Variants in USP6 observed in about 807,000 individuals in gnomAD.
USP6 encodes the protein ubiquitin specific peptidase 6.
USP6 carries 128 observed loss-of-function variants against 175.7 expected under a neutral mutation model. That is an observed-to-expected ratio of 0.73 (90% CI 0.63 to 0.84). USP6 has a LOEUF of 0.84. USP6 is among the 40% of genes least tolerant of loss of function. USP6 has a pLI of 0.00. For synonymous variants in USP6, 562 were observed against 630.6 expected, an observed-to-expected ratio of 0.89 and a Z score of 1.63; for missense variants, 1,498 against 1,760.3, an observed-to-expected ratio of 0.85 and a Z score of 2.67.
rs761369040 is a variant in USP6, at chr17:5,135,633, CTGAAG to C, written c.544-172_544-168del. ...CTCAGGAGACATTTTGGACAAGGTG[CTGAAG>C]TGCCTGATGGACTTTGCTCTTGTCA... On this transcript the variant is annotated intron_variant, in intron 16 of 37. Transcript: ENST00000574788. Among the ~76,000 whole-genome samples, 146 of 152,312 alleles carry C rather than the reference CTGAAG, an allele frequency of 9.6e-4. 1 individual carries two copies. The highest frequency in any genetic ancestry group is 1.7e-3 in the Non-Finnish European group (115 of 68,024).
chr17:5,167,905 C>G lies in USP6; in HGVS notation c.3037-27C>G, dbSNP rs559161532. The stretch of plus-strand genomic sequence containing the variant: ...AGTTTAAATGCCTTCCCACACACCC[C>G]TTTCCTCCTGTTCCCTCTACCTACA... On this transcript the variant is annotated intron_variant, in intron 33 of 37. Transcript: ENST00000574788. The G allele has an allele frequency of 2.0e-4, 320 of 1,597,276 alleles. 1 individual carries two copies. The South Asian group carries it at 3.4e-3, about 17-fold the overall frequency.
At chr17:5,158,266 A>C (rs1259607821) in intron 31 of USP6, among the ~76,000 whole-genome samples, 1 of 152,100 alleles carries the variant, frequency 6.6e-6, no homozygotes, top group East Asian at 1.9e-4. Flanking sequence ...AGGGAAAAAG[A>C]AGCATCAAAA....
At chr17:5,143,480 T>G (rs1181656704) in intron 25 of USP6, among the ~76,000 whole-genome samples, 2 of 151,582 alleles carry the variant, frequency 1.3e-5, no homozygotes, top group Non-Finnish European at 3.0e-5. Context: ...CTCTGAAACA[T>G]GTGCTGTGTC....
chr17:5,125,538 A>G (rs1309020244), intron 5 of USP6, among the ~76,000 whole-genome samples: 9 of 152,106 alleles, frequency 5.9e-5, no homozygotes, highest in Non-Finnish European at 1.0e-4. Context: ...AATGGGTGCA[A>G]ATGAAAACAC....
intron 28 of USP6, 48 bp downstream of exon 28, chr17:5,146,222 G>T: frequency 1.3e-6 from 2 of 1,525,736 alleles, no homozygotes; most frequent in South Asian, 1.3e-5. Context: ...CTTCAAAGAT[G>T]ACATTTTTCT....
intron 2 of USP6, among the ~76,000 whole-genome samples, chr17:5,119,674 C>T (rs540979522): frequency 1.3e-5 from 2 of 152,286 alleles, no homozygotes; most frequent in South Asian, 4.1e-4. Flanking sequence ...AGTTAACTAA[C>T]TAATGAGTAA....
At position 5,170,981 on chromosome 17, in the gene USP6, C is replaced by T. The variant is rs894699618; in HGVS notation, c.3954+66C>T. 2.6e-6 allele frequency: 4 copies of T among 1,552,396 alleles called. No individual in the cohort carries two copies. The African/African-American group carries it at 5.5e-5, about 21-fold the overall frequency. On this transcript the variant is annotated intron_variant, in intron 36 of 37. Transcript: ENST00000574788. ...TTTTGTTCACTTGTCTTCATGTATTCATCAGCAAGTATTTTTCAGGTCCTG... is the reference window on the plus strand; with the variant it reads ...TTTTGTTCACTTGTCTTCATGTATTTATCAGCAAGTATTTTTCAGGTCCTG...
chr17:5,139,256 C>A lies in USP6; in HGVS notation c.1080C>A (p.Ala360=). The part of the protein sequence containing the change: ...TRKQGDLPPP[A]KREQGSLAPR... Reference sequence around the variant, plus strand: ...TGACCACGTCTGTTTTCCTTTCAGCCAAACGCGAGCAAGGGTCCTTGGCAC... The same window carrying A: ...TGACCACGTCTGTTTTCCTTTCAGCAAAACGCGAGCAAGGGTCCTTGGCAC... Residue 360 remains alanine, a splice_region_variant and synonymous_variant, in exon 22 of 38, where the codon GCC becomes GCA. Coordinates refer to ENST00000574788, the MANE Select transcript of USP6 (RefSeq NM_001304284.2). The A allele has an allele frequency of 6.2e-7, 1 of 1,601,038 alleles. No individual in the cohort carries two copies. Among genetic ancestry groups the A allele is most frequent in the East Asian group, 2.2e-5 (1 of 44,872 alleles).
chr17:5,119,431 T>C (rs2072603034), intron 2 of USP6, among the ~76,000 whole-genome samples: 1 of 152,240 alleles, frequency 6.6e-6, no homozygotes, highest in Admixed American at 6.5e-5. Flanking sequence ...TTAACTCTTT[T>C]GTCCTTCTTC....
In USP6 at chr17:5,171,000, G is replaced by T. The variant is rs2074205226; in HGVS notation, c.3954+85G>T. 4 of 1,490,594 alleles carry T rather than the reference G, an allele frequency of 2.7e-6. No homozygotes were observed. In the African/African-American group the frequency reaches 5.6e-5, roughly 21 times the overall value. The allele number at this position is 1,490,594 out of a possible 1,614,324, so 92.3% of individuals were successfully genotyped here. ...TGTATTCATCAGCAAGTATTTTTCA[G>T]GTCCTGCTAATTTCCTAGCATTGAG... is the stretch of plus-strand genomic sequence containing the variant. On this transcript the variant is annotated intron_variant, in intron 36 of 37. Coordinates refer to ENST00000574788, the MANE Select transcript of USP6 (RefSeq NM_001304284.2).
intron 37 of USP6, 47 bp from the exon 38 acceptor site, chr17:5,172,758 T>C: frequency 6.2e-7 from 1 of 1,608,082 alleles, no homozygotes; most frequent in Non-Finnish European, 8.5e-7. Context: ...GGATTTAGAG[T>C]CATAATAGTG....
intron 11 of USP6, among the ~76,000 whole-genome samples, chr17:5,131,284 C>G (rs947261594): frequency 6.6e-6 from 1 of 151,148 alleles, no homozygotes; most frequent in African/African-American, 2.4e-5. Context: ...ACTAAAGACC[C>G]TGGGTCTGGT....
chr17:5,132,946 A>T lies in USP6; in HGVS notation c.232A>T (p.Met78Leu), dbSNP rs771437961. ...GGAGATGACACGAACGAGCAAGTGG[A>T]TGGAAATGCTGGGAGAATGGGAGAC... Reference protein sequence around the residue: ...RREMTRTSKWMEMLGEWETYK... With the variant: ...RREMTRTSKWLEMLGEWETYK... Residue 78 changes from methionine to leucine, a missense_variant, in exon 13 of 38, where the codon ATG becomes TTG. Met to Leu is a conservative substitution (Grantham distance 15). Around this residue, in one of 2 missense-constraint regions of USP6, gnomAD observed 281 missense variants for 259.6 expected, o/e 1.08. Coordinates refer to ENST00000574788, the MANE Select transcript of USP6 (RefSeq NM_001304284.2). The surrounding 1 kb of genome is among the most constrained non-coding windows in gnomAD (Gnocchi z 4.7). The T allele has an allele frequency of 1.1e-5, 17 of 1,614,150 alleles. No homozygotes were observed. In the Admixed American group the frequency reaches 2.8e-4, roughly 27 times the overall value.
In USP6 at chr17:5,171,609, G is replaced by C. The variant is rs1412029404; in HGVS notation, c.3977G>C (p.Gly1326Ala). ...CAGTGCCATTCAGGAATTCTGAGTGGGGGCCATTACATCACTTATGCCAAA... is the reference window on the plus strand; with the variant it reads ...CAGTGCCATTCAGGAATTCTGAGTGCGGGCCATTACATCACTTATGCCAAA... ...AISCHSGILS[G>A]GHYITYAKNP... Residue 1326 changes from glycine to alanine, a missense_variant, in exon 37 of 38, where the codon GGG (glycine) becomes GCG (alanine). By Grantham distance (60) the Gly-to-Ala change is moderately conservative. Coordinates refer to ENST00000574788, the MANE Select transcript of USP6 (RefSeq NM_001304284.2). 3.1e-6 allele frequency: 5 copies of C among 1,613,568 alleles called. No individual in the cohort carries two copies. The African/African-American group carries it at 6.7e-5, about 22-fold the overall frequency.
intron 30 of USP6, among the ~76,000 whole-genome samples, chr17:5,153,309 G>A (rs2073812847): frequency 6.6e-6 from 1 of 152,118 alleles, no homozygotes; most frequent in Admixed American, 6.6e-5. Context: ...TTTTTGCAAT[G>A]GAGTTTCGCT....
At chr17:5,161,757 T>C in intron 32 of USP6, 143 bp downstream of exon 32, 1 of 959,472 alleles carries the variant, frequency 1.0e-6, no homozygotes, top group Admixed American at 2.6e-5. Flanking sequence ...GGCTCAGGCC[T>C]GTAATCCCAT....
chr17:5,147,216 T>G (rs2073638495), intron 29 of USP6, 22 bp downstream of exon 29: 2 of 1,581,990 alleles, frequency 1.3e-6, no homozygotes, highest in African/African-American at 1.4e-5. Context: ...CTAGAACTCC[T>G]TCTCATGACT....
chr17:5,172,952 T>A lies in USP6; in HGVS notation c.4195T>A (p.Tyr1399Asn), dbSNP rs1317864670. The change falls in exon 38 of 38, where the codon TAC (tyrosine) becomes AAC (asparagine). Residue 1399 changes from tyrosine to asparagine, a missense_variant. Tyr to Asn is a moderately radical substitution (Grantham distance 143). Transcript: ENST00000574788. The part of the protein sequence containing the change: ...SSTDEDSESD[Y>N]EKYSMLQ ...TACGGATGAAGACTCTGAGTCTGAT[T>A]ACGAAAAGTACTCTATGTTACAGTA... The A allele has an allele frequency of 6.2e-7, 1 of 1,613,950 alleles. No individual in the cohort carries two copies. Among genetic ancestry groups the A allele is most frequent in the East Asian group, 2.2e-5 (1 of 44,880 alleles).
chr17:5,120,218 GGTGACAC>G (rs1567765081), intron 2 of USP6, among the ~76,000 whole-genome samples: 1 of 152,106 alleles, frequency 6.6e-6, no homozygotes, highest in Admixed American at 6.5e-5. Context: ...GGCCTGGCAC[GGTGACAC>G]CAACGTAGGG....
Sources: gnomAD v4.1 joint callset for allele counts (sites outside exome capture counted in the v4.1 genomes callset) on GRCh38, gnomAD v4.1.1 for gene constraint, gnomAD v4.1.1 regional missense constraint, Gnocchi (gnomAD v3.1) non-coding constraint, MANE v1.5 for transcripts, NCBI Gene and HGNC (gene_info 2026-07-23, HGNC 2026-07-21) for gene names.